Variants in SSTR3 observed in about 807,000 individuals in gnomAD.
SSTR3 encodes somatostatin receptor type 3.
For missense variants in SSTR3, 504 were observed against 604.7 expected (o/e 0.83, Z 1.75); for synonymous variants, 281 against 269.2 (o/e 1.04, Z -0.43).
intron 1 of SSTR3, among the ~76,000 whole-genome samples, chr22:37,211,203 G>A (rs1926167545): frequency 6.6e-6 from 1 of 152,206 alleles, no homozygotes; most frequent in African/African-American, 2.4e-5. Context: ...GCAGGGCGAT[G>A]GCCCCTGGCT....
intron 1 of SSTR3, chr22:37,210,763 C>T: frequency 1.0e-6 from 1 of 985,496 alleles, no homozygotes; most frequent in Non-Finnish European, 1.2e-6. Flanking sequence ...TTCAGGGAGG[C>T]CAGGCACCCC....
At chr22:37,207,926 C>T in intron 1 of SSTR3, 87 bp from the exon 2 acceptor site, 13 of 1,360,122 alleles carry the variant, frequency 9.6e-6, no homozygotes, top group Non-Finnish European at 1.0e-5. Context: ...TGGGGACCTG[C>T]TGCACGCCCA....
chr22:37,213,426 C>T (rs1926301011), upstream of SSTR3, among the ~76,000 whole-genome samples: 1 of 152,242 alleles, frequency 6.6e-6, no homozygotes, highest in South Asian at 2.1e-4. Flanking sequence ...GCTTTCCAAA[C>T]TGGGCCATTC....
At chr22:37,214,074 C>T (rs1926335493), upstream of SSTR3, among the ~76,000 whole-genome samples, 1 of 152,144 alleles carries the variant, frequency 6.6e-6, no homozygotes, top group Non-Finnish European at 1.5e-5. Context: ...AGTGAATGCT[C>T]ATCAGTGTGC....
At chr22:37,210,800 AC>A (rs1473719917) in intron 1 of SSTR3, 1 of 985,294 alleles carries the variant, frequency 1.0e-6, no homozygotes, top group Non-Finnish European at 1.2e-6. Flanking sequence ...CCCATCTCCC[AC>A]CCGCTAGAAC....
In SSTR3 at chr22:37,207,470, C is replaced by T. The variant is rs572234753; in HGVS notation, c.334G>A (p.Gly112Ser). The change falls in exon 2 of 2, where the codon GGC becomes AGC. Residue 112 changes from glycine (G) to serine (S), a missense_variant. Transcript: ENST00000610913. Reference protein sequence around the residue: ...AQNALSYWPFGSLMCRLVMAV... With the variant: ...AQNALSYWPFSSLMCRLVMAV... ...ATGACCAGGCGGCACATGAGGGAGC[C>T]GAAGGGCCAGTAGGACAGGGCGTTC... is the stretch of plus-strand genomic sequence containing the variant. 24 of 1,613,656 alleles carry T rather than the reference C, an allele frequency of 1.5e-5. No individual in the cohort carries two copies. The highest frequency in any genetic ancestry group is 1.6e-4 in the Middle Eastern group (1 of 6,062).
chr22:37,209,851 C>T (rs1176600504), intron 1 of SSTR3, among the ~76,000 whole-genome samples: 1 of 152,248 alleles, frequency 6.6e-6, no homozygotes, highest in African/African-American at 2.4e-5. Context: ...GCCCCCAGGG[C>T]TTTGAGCTAT....
chr22:37,219,572 C>T, the SSTR3 span, among the ~76,000 whole-genome samples: 2 of 152,170 alleles, frequency 1.3e-5, no homozygotes, highest in Non-Finnish European at 2.9e-5. Context: ...CCCCAAATGT[C>T]AGTATCTCTC....
In SSTR3 at chr22:37,207,640, C is replaced by T. The variant is rs779577740; in HGVS notation, c.164G>A (p.Cys55Tyr). 1 of 1,599,628 alleles carries T rather than the reference C, an allele frequency of 6.3e-7. No homozygotes were observed. Among genetic ancestry groups the T allele is most frequent in the Non-Finnish European group, 8.5e-7 (1 of 1,170,504 alleles). Residue 55 changes from cysteine (C) to tyrosine (Y), a missense_variant, in exon 2 of 2, where the codon TGC becomes TAC. By Grantham distance (194) the Cys-to-Tyr change is radical. Transcript: ENST00000610913. ...CGAGTTACCCAGCAGGCCCACCACG[C>T]ACACCACCAGGTAGACCAGGGGGAT... ...VLIPLVYLVV[C>Y]VVGLLGNSLV...
chr22:37,207,094 C>T lies in SSTR3; in HGVS notation c.710G>A (p.Gly237Glu). 6.2e-7 allele frequency: 1 copy of T among 1,612,486 alleles called. No homozygotes were observed. Among genetic ancestry groups the T allele is most frequent in the Admixed American group, 1.7e-5 (1 of 59,982 alleles). ...LLIVVKVRSA[G>E]RRVWAPSCQR... ...GCACGAGGGTGCCCACACCCGGCGC[C>T]CAGCTGAGCGCACCTTCACCACGAT... The change falls in exon 2 of 2, where the codon GGG becomes GAG. Residue 237 changes from glycine (G) to glutamate (E), a missense_variant. Coordinates refer to ENST00000610913, the MANE Select transcript of SSTR3 (RefSeq NM_001051.5).
Position 37,204,920 on chromosome 22 carries a change from G to A in SSTR3, c.*1627C>T, listed in dbSNP as rs1180807238. On this transcript the variant is annotated 3_prime_UTR_variant, in exon 2 of 2. Transcript: ENST00000610913. ...AGGACCCCTGCCCTCTGCAAGGGGT[G>A]GGGAAGCGGAAGGATTTCACCGGGG... is the stretch of plus-strand genomic sequence containing the variant. 6.6e-6 allele frequency: 1 copy of A among 152,502 alleles called. No homozygotes were observed. The highest frequency in any genetic ancestry group is 2.4e-5 in the African/African-American group (1 of 41,450). The allele number at this position is 152,502 out of a possible 1,614,324, so 9.4% of individuals were successfully genotyped here.
chr22:37,217,506 T>A, the SSTR3 span, among the ~76,000 whole-genome samples: 1 of 152,180 alleles, frequency 6.6e-6, no homozygotes, highest in Admixed American at 6.5e-5. Context: ...CTGTAACTCC[T>A]ATTATATTTG....
At position 37,207,348 on chromosome 22, in the gene SSTR3, G is replaced by T. The variant is rs760106255; in HGVS notation, c.456C>A (p.Ala152=). 12 of 1,605,990 alleles carry T rather than the reference G, an allele frequency of 7.5e-6. No homozygotes were observed. The African/African-American group carries it at 1.3e-4, about 18-fold the overall frequency. Residue 152 remains alanine (A), a synonymous_variant, in exon 2 of 2, where the codon GCC becomes GCA. Transcript: ENST00000610913. Reference sequence around the variant, plus strand: ...GGGCCACCGGAGCTGTGCGCCAGCGGGCCGAGCGGGTGGGATGTACCACGG... The same window carrying T: ...GGGCCACCGGAGCTGTGCGCCAGCGTGCCGAGCGGGTGGGATGTACCACGG... ...YLAVVHPTRS[A]RWRTAPVART...
the SSTR3 span, among the ~76,000 whole-genome samples, chr22:37,217,865 A>T: frequency 6.6e-6 from 1 of 152,012 alleles, no homozygotes; most frequent in African/African-American, 2.4e-5. Flanking sequence ...CACCACACCC[A>T]GCTAATTTTT....
rs372352171 is a variant in SSTR3, at chr22:37,206,569, G to A, written c.1235C>T (p.Thr412Met). ...CCCCTACAGGTAGCTGATGCGCATC[G>A]TGCTGGACTTCTCCCCAGTGGAAGC... ...QEASTGEKSS[T>M]MRISYL is the part of the protein sequence containing the mutation. Residue 412 changes from threonine to methionine, a missense_variant, in exon 2 of 2, where the codon ACG (threonine) becomes ATG (methionine). Coordinates refer to ENST00000610913, the MANE Select transcript of SSTR3 (RefSeq NM_001051.5). The A allele has an allele frequency of 3.0e-5, 48 of 1,611,086 alleles. No individual in the cohort carries two copies. In the African/African-American group the frequency reaches 4.1e-4, roughly 14 times the overall value.
chr22:37,208,095 A>G (rs915980834), intron 1 of SSTR3, among the ~76,000 whole-genome samples: 1 of 152,122 alleles, frequency 6.6e-6, no homozygotes, highest in Admixed American at 6.5e-5. Context: ...TCCATCGTGG[A>G]GTGAGGGTGT....
upstream of SSTR3, among the ~76,000 whole-genome samples, chr22:37,212,870 G>T (rs1601659151): frequency 1.3e-5 from 2 of 152,282 alleles, no homozygotes; most frequent in Admixed American, 6.5e-5. Flanking sequence ...TCCTGGGATT[G>T]GTTACATCTG....
intron 1 of SSTR3, among the ~76,000 whole-genome samples, chr22:37,208,865 T>C (rs1479329989): frequency 1.3e-5 from 2 of 152,096 alleles, no homozygotes; most frequent in African/African-American, 4.8e-5. Context: ...GTGTCAGGCA[T>C]CAAATGAACC....
intron 1 of SSTR3, 83 bp from the exon 2 acceptor site, chr22:37,207,922 C>T: frequency 7.4e-7 from 1 of 1,360,408 alleles, no homozygotes; most frequent in Non-Finnish European, 9.4e-7. Flanking sequence ...AACCTGGGGA[C>T]CTGCTGCACG....
Sources: allele counts gnomAD v4.1 joint callset (sites outside exome capture counted in the v4.1 genomes callset), GRCh38; gene constraint gnomAD v4.1.1; transcripts MANE v1.5; gene names NCBI Gene and HGNC (gene_info 2026-07-23, HGNC 2026-07-21).